The following COL17A1 variants were observed in gnomAD, a reference collection of about 807,000 sequenced individuals.
COL17A1 encodes collagen alpha-1(XVII) chain.
A neutral mutation model predicts 218.4 loss-of-function variants in COL17A1; 181 were observed. The ratio of observed to expected loss-of-function variants is 0.83; its 90% CI spans 0.73 to 0.94. The LOEUF (loss-of-function observed/expected upper bound fraction) is 0.94, where lower values mean the gene tolerates loss of function less well. COL17A1 is among the 40% of genes least tolerant of loss of function. The pLI is 0.00. For synonymous variants in COL17A1, 721 were observed against 731.0 expected, an observed-to-expected ratio of 0.99 and a Z score of 0.22; for missense variants, 1,924 against 1,945.9, an observed-to-expected ratio of 0.99 and a Z score of 0.21.
intron 3 of COL17A1, among the ~76,000 whole-genome samples, chr10:104,077,991 T>G (rs915647439): frequency 6.6e-6 from 1 of 152,190 alleles, no homozygotes; most frequent in Non-Finnish European, 1.5e-5. Context: ...AGCCCATCAC[T>G]GCTCCGACTT....
intron 1 of COL17A1, among the ~76,000 whole-genome samples, chr10:104,085,087 C>A (rs759093028): frequency 3.3e-5 from 5 of 152,158 alleles, no homozygotes; most frequent in African/African-American, 1.2e-4. Flanking sequence ...ATACGGGAAA[C>A]AATTTTCTTC....
Position 104,031,547 on chromosome 10 carries a change from G to C in COL17A1, c.*688C>G, listed in dbSNP as rs1844682515. 6.6e-6 allele frequency: 1 copy of C among 152,082 alleles called. No individual in the cohort carries two copies. The highest frequency in any genetic ancestry group is 1.5e-5 in the Non-Finnish European group (1 of 68,118). 9.4% of individuals were successfully genotyped at this position (152,082 alleles called of 1,614,324 possible). ...TGCCCTCAACCTTCTTTTTCTGTTTGCTCTGGCCTGGTTCAGTATAACATA... is the reference window on the plus strand; with the variant it reads ...TGCCCTCAACCTTCTTTTTCTGTTTCCTCTGGCCTGGTTCAGTATAACATA... On this transcript the variant is annotated 3_prime_UTR_variant, in exon 56 of 56. Coordinates refer to ENST00000648076, the MANE Select transcript of COL17A1 (RefSeq NM_000494.4).
chr10:104,036,107 T>TGA (rs1564671305), intron 48 of COL17A1, among the ~76,000 whole-genome samples: 3 of 6,014 alleles, frequency 5.0e-4, no homozygotes, highest in Admixed American at 2.1e-3. Flanking sequence ...TGTATGGGAG[T>TGA]GTGTGTGTAT....
At position 104,035,334 on chromosome 10, in the gene COL17A1, G is replaced by A. The variant is rs760909079; in HGVS notation, c.3548C>T (p.Pro1183Leu). ...ATTGCCTGGGATCCCTGGTGGACCC[G>A]GGGGACCTGGGGGTCCAACGATGCC... ...FRGIVGPPGP[P>L]GPPGIPGNVW... The change falls in exon 50 of 56, where the codon CCG becomes CTG. Residue 1183 changes from proline (P) to leucine (L), a missense_variant. Physicochemically the swap from Pro to Leu is moderately conservative, Grantham distance 98. Coordinates refer to ENST00000648076, the MANE Select transcript of COL17A1 (RefSeq NM_000494.4). 8.7e-6 allele frequency: 14 copies of A among 1,614,052 alleles called. No homozygotes were observed. The highest frequency in any genetic ancestry group is 2.7e-5 in the African/African-American group (2 of 74,952).
intron 52 of COL17A1, 140 bp from the exon 53 acceptor site, chr10:104,033,515 T>G (rs1044701298): frequency 2.1e-5 from 21 of 980,934 alleles, no homozygotes; most frequent in Non-Finnish European, 2.5e-5. Flanking sequence ...GCCCTCCAAC[T>G]TCCTTTGTAT....
In COL17A1 at chr10:104,041,349, A is replaced by C. The variant is rs1168793652; in HGVS notation, c.2606-5T>G. On this transcript the variant is annotated splice_region_variant and splice_polypyrimidine_tract_variant and intron_variant, in intron 37 of 55. Transcript: ENST00000648076. ...GTGGGCCTGGAATGGAAGGCCCTGC[A>C]GAAGAGAGCAAGGAAGAGGCCATGC... 1.4e-5 allele frequency: 23 copies of C among 1,610,982 alleles called. No individual in the cohort carries two copies. The highest frequency in any genetic ancestry group is 9.3e-5 in the African/African-American group (7 of 74,870).
intron 38 of COL17A1, 24 bp from the exon 39 acceptor site, chr10:104,041,142 T>C: frequency 1.2e-6 from 2 of 1,604,808 alleles, no homozygotes; most frequent in Non-Finnish European, 8.5e-7. Context: ...CCCCCAAGAC[T>C]TATTAGTGCC....
chr10:104,070,675 C>A, intron 8 of COL17A1, 106 bp from the exon 9 acceptor site: 1 of 1,606,530 alleles, frequency 6.2e-7, no homozygotes, highest in Non-Finnish European at 8.5e-7. Flanking sequence ...GGGAGAATGG[C>A]ATCTGCCTCA....
intron 6 of COL17A1, 144 bp from the exon 7 acceptor site, chr10:104,073,389 C>T: frequency 2.7e-6 from 2 of 753,480 alleles, no homozygotes; most frequent in Non-Finnish European, 4.8e-6. Flanking sequence ...ATAGCAGTTG[C>T]TTAATAAATG....
In COL17A1 at chr10:104,045,778, G is replaced by A; in HGVS notation, c.2378C>T (p.Pro793Leu). Residue 793 changes from proline (P) to leucine (L), a missense_variant, in exon 33 of 56, where the codon CCT (proline) becomes CTT (leucine). Pro to Leu is a moderately conservative substitution (Grantham distance 98). Coordinates refer to ENST00000648076, the MANE Select transcript of COL17A1 (RefSeq NM_000494.4). ...CTTACCTTTTATTCCTGGTCGGCCAGGGGTACCGGGAAGTCCTGATGTGAT... is the reference window on the plus strand; with the variant it reads ...CTTACCTTTTATTCCTGGTCGGCCAAGGGTACCGGGAAGTCCTGATGTGAT... ...PQGPQGLPGT[P>L]GRPGIKGEPG... is the part of the protein sequence containing the mutation. 6.2e-7 allele frequency: 1 copy of A among 1,612,804 alleles called. No individual in the cohort carries two copies. The highest frequency in any genetic ancestry group is 8.5e-7 in the Non-Finnish European group (1 of 1,178,698).
At position 104,055,792 on chromosome 10, in the gene COL17A1, T is replaced by G. The variant is rs756436767; in HGVS notation, c.1677A>C (p.Glu559Asp). 6.2e-7 allele frequency: 1 copy of G among 1,614,096 alleles called. No individual in the cohort carries two copies. Among genetic ancestry groups the G allele is most frequent in the Non-Finnish European group, 8.5e-7 (1 of 1,180,022 alleles). ...CGGCGATGCTCTCACCATTTTCCTG[T>G]TCCATCATTAGCTTCTTCCTCACGA... ...WMFVRKKLMM[E>D]QENGNLRGSP... The change falls in exon 18 of 56, where the codon GAA becomes GAC. Residue 559 changes from glutamate (E) to aspartate (D), a missense_variant. Glu to Asp is a conservative substitution (Grantham distance 45). Transcript: ENST00000648076.
chr10:104,080,997 C>A (rs895746006), intron 1 of COL17A1, among the ~76,000 whole-genome samples: 1 of 152,186 alleles, frequency 6.6e-6, no homozygotes, highest in Non-Finnish European at 1.5e-5. Context: ...CTTTGTTTGA[C>A]TATAAAACCT....
chr10:104,038,660 A>G, intron 44 of COL17A1, 132 bp from the exon 45 acceptor site: 4 of 1,137,796 alleles, frequency 3.5e-6, no homozygotes, highest in Non-Finnish European at 5.1e-6. Flanking sequence ...GGCAAGGAGA[A>G]GGGTCCCCGA....
At position 104,035,228 on chromosome 10, in the gene COL17A1, C is replaced by T. The variant is rs749263590; in HGVS notation, c.3619+35G>A. ...GGAGCCCCCAAGGCCCGGCTGCATCCCCTGCCCTCCCCATCCCACTCCACA... is the reference window on the plus strand; with the variant it reads ...GGAGCCCCCAAGGCCCGGCTGCATCTCCTGCCCTCCCCATCCCACTCCACA... On this transcript the variant is annotated intron_variant, in intron 50 of 55. Transcript: ENST00000648076. 24 of 1,574,124 alleles carry T rather than the reference C, an allele frequency of 1.5e-5. No homozygotes were observed. In the East Asian group the frequency reaches 2.3e-4, roughly 15 times the overall value.
Position 104,055,775 on chromosome 10 carries a change from C to T in COL17A1, c.1687+7G>A, listed in dbSNP as rs2086517334. On this transcript the variant is annotated splice_region_variant and intron_variant, in intron 18 of 55. Coordinates refer to ENST00000648076, the MANE Select transcript of COL17A1 (RefSeq NM_000494.4). ...GGAGCTGGCCCTGTGCCCGGCGATGCTCTCACCATTTTCCTGTTCCATCAT... is the reference window on the plus strand; with the variant it reads ...GGAGCTGGCCCTGTGCCCGGCGATGTTCTCACCATTTTCCTGTTCCATCAT... 2.5e-6 allele frequency: 4 copies of T among 1,613,780 alleles called. No individual in the cohort carries two copies. Among genetic ancestry groups the T allele is most frequent in the Admixed American group, 1.7e-5 (1 of 60,008 alleles).
At chr10:104,045,923 T>G (rs913962551) in intron 32 of COL17A1, 130 bp from the exon 33 acceptor site, 4 of 802,926 alleles carry the variant, frequency 5.0e-6, no homozygotes, top group Non-Finnish European at 8.8e-6. Context: ...GCACCAGCTT[T>G]GCCTTCCGCC....
chr10:104,055,674 C>T (rs551482145), intron 18 of COL17A1, 108 bp downstream of exon 18: 37 of 1,467,534 alleles, frequency 2.5e-5, no homozygotes, highest in African/African-American at 1.8e-4. Flanking sequence ...GGAGAGAGGC[C>T]GAGAGTGGGC....
Position 104,057,161 on chromosome 10 carries a change from A to G in COL17A1, c.1279T>C (p.Tyr427His), listed in dbSNP as rs1259623536. ...CTGCCACCACCACCACTGCTGCCGT[A>G]GCTGTGGATATCTGTGAAAGAGACA... is the stretch of plus-strand genomic sequence containing the variant. The part of the protein sequence containing the change: ...GKTTTADIHS[Y>H]GSSGGGGSGG... The change falls in exon 17 of 56, where the codon TAC becomes CAC. Residue 427 changes from tyrosine (Y) to histidine (H), a missense_variant. Transcript: ENST00000648076. 1 of 1,613,988 alleles carries G rather than the reference A, an allele frequency of 6.2e-7. No individual in the cohort carries two copies. The highest frequency in any genetic ancestry group is 8.5e-7 in the Non-Finnish European group (1 of 1,179,910).
intron 1 of COL17A1, among the ~76,000 whole-genome samples, chr10:104,083,347 G>A (rs1176632249): frequency 6.6e-6 from 1 of 152,164 alleles, no homozygotes; most frequent in Admixed American, 6.5e-5. Flanking sequence ...CTTAATGGAA[G>A]CACTGTCAAA....
Sources: gnomAD v4.1 joint callset for allele counts (sites outside exome capture counted in the v4.1 genomes callset) on GRCh38, gnomAD v4.1.1 for gene constraint, MANE v1.5 for transcripts, NCBI Gene and HGNC (gene_info 2026-07-23, HGNC 2026-07-21) for gene names.